Variants in CPT2 observed in about 807,000 individuals in gnomAD.
The protein encoded by CPT2 is carnitine O-palmitoyltransferase 2, mitochondrial.
Under a neutral mutation model 48.6 loss-of-function variants are expected in CPT2, and 37 were observed. The observed-to-expected ratio is 0.76, with a 90% confidence interval of 0.59 to 1.00. The LOEUF (loss-of-function observed/expected upper bound fraction) is 1.00, where lower values mean the gene tolerates loss of function less well. Ranked by LOEUF, CPT2 falls within the 50% of genes least tolerant of loss-of-function variation. The pLI, the probability that CPT2 is intolerant of heterozygous loss-of-function variation, is 0.00. For missense variants in CPT2, 772 were observed against 825.6 expected (o/e 0.94, Z 0.80); for synonymous variants, 319 against 326.9 (o/e 0.98, Z 0.26).
intron 3 of CPT2, among the ~76,000 whole-genome samples, chr1:53,206,487 A>G (rs576118152): frequency 1.3e-4 from 20 of 152,298 alleles, no homozygotes; most frequent in African/African-American, 4.3e-4. Context: ...AAAAGCAACC[A>G]TGGGGCTGTA....
intron 3 of CPT2, chr1:53,203,560 T>C (rs897978220): frequency 6.6e-6 from 1 of 152,226 alleles, no homozygotes. Context: ...TCTCAATACA[T>C]GAAAGCAGAT....
At position 53,211,063 on chromosome 1, in the gene CPT2, T is replaced by C. The variant is rs1160807210; in HGVS notation, c.1389T>C (p.Pro463=). 1.2e-6 allele frequency: 2 copies of C among 1,614,076 alleles called. No individual in the cohort carries two copies. The highest frequency in any genetic ancestry group is 3.3e-5 in the Admixed American group (2 of 60,006). The change falls in exon 4 of 5, where the codon CCT becomes CCC. Residue 463 remains proline, a synonymous_variant. Coordinates refer to ENST00000371486, the MANE Select transcript of CPT2 (RefSeq NM_000098.3). ...KEFLKKQKLS[P]DAVAQLAFQM... ...TCCTGAAGAAGCAAAAGCTGAGCCC[T>C]GACGCAGTTGCCCAGCTGGCATTCC...
intron 1 of CPT2, 103 bp from the exon 2 acceptor site, chr1:53,200,616 G>T: frequency 2.2e-6 from 2 of 903,658 alleles, no homozygotes; most frequent in Non-Finnish European, 1.8e-6. Context: ...TATTGGTTTT[G>T]GGGGAGGAAA....
chr1:53,203,157 C>T (rs1489486384), intron 3 of CPT2: 1 of 152,472 alleles, frequency 6.6e-6, no homozygotes, highest in African/African-American at 2.4e-5. Context: ...GTTATATACC[C>T]CCGTATCTCT....
intron 3 of CPT2, chr1:53,209,218 A>C (rs1200149213): frequency 6.6e-6 from 1 of 152,086 alleles, no homozygotes; most frequent in East Asian, 1.9e-4. Flanking sequence ...AAAATTAGCC[A>C]GGCTGGTGGT....
chr1:53,197,469 T>G, intron 1 of CPT2: 1 of 334,248 alleles, frequency 3.0e-6, no homozygotes, highest in Non-Finnish European at 5.7e-6. Context: ...TCTCCTGAAG[T>G]ACTTTAATGA....
intron 2 of CPT2, 56 bp downstream of exon 2, chr1:53,200,855 A>G (rs1645350657): frequency 7.3e-7 from 1 of 1,378,388 alleles, no homozygotes; most frequent in African/African-American, 1.4e-5. Context: ...ACAGGCTGGC[A>G]AGTAGTGGTG....
intron 4 of CPT2, chr1:53,212,857 C>T: frequency 4.5e-6 from 2 of 447,364 alleles, no homozygotes; most frequent in Non-Finnish European, 7.8e-6. Flanking sequence ...GTCAAACAGA[C>T]TTTCCATTTT....
At chr1:53,203,505 C>G (rs1645366761) in intron 3 of CPT2, 1 of 152,124 alleles carries the variant, frequency 6.6e-6, no homozygotes, top group Non-Finnish European at 1.5e-5. Flanking sequence ...TTTCTATGTG[C>G]TTACTAATTT....
Position 53,200,717 on chromosome 1 carries a change from A to G in CPT2, c.153-2A>G. On this transcript the variant is annotated splice_acceptor_variant, in intron 1 of 4. Transcript: ENST00000371486. LOFTEE classifies it high-confidence loss of function. ...CTTACACTGACCCTGCTTTCTCCCC[A>G]GGCTGCCTATTCCCAAACTTGAAGA... 1 of 1,612,496 alleles carries G rather than the reference A, an allele frequency of 6.2e-7. No individual in the cohort carries two copies. Among genetic ancestry groups the G allele is most frequent in the South Asian group, 1.1e-5 (1 of 91,062 alleles).
At position 53,210,305 on chromosome 1, in the gene CPT2, C is replaced by A. The variant is rs796051942; in HGVS notation, c.631C>A (p.Pro211Thr). 6.2e-7 allele frequency: 1 copy of A among 1,614,170 alleles called. No homozygotes were observed. The highest frequency in any genetic ancestry group is 8.5e-7 in the Non-Finnish European group (1 of 1,180,030). The change falls in exon 4 of 5, where the codon CCC (proline) becomes ACC (threonine). Residue 211 changes from proline (P) to threonine (T), a missense_variant. Coordinates refer to ENST00000371486, the MANE Select transcript of CPT2 (RefSeq NM_000098.3). The stretch of plus-strand genomic sequence containing the variant: ...TGGGGCCTACCTGGTCAATGCGTAT[C>A]CCCTGGATATGTCCCAGTATTTTCG... ...WYGAYLVNAY[P>T]LDMSQYFRLF... is the part of the protein sequence containing the mutation.
intron 1 of CPT2, among the ~76,000 whole-genome samples, chr1:53,197,895 C>A (rs1645333570): frequency 6.6e-6 from 1 of 152,048 alleles, no homozygotes; most frequent in Non-Finnish European, 1.5e-5. Flanking sequence ...GATCCAGGGT[C>A]CACCCAAATT....
intron 2 of CPT2, 119 bp downstream of exon 2, chr1:53,200,918 A>C: frequency 1.3e-6 from 1 of 787,694 alleles, no homozygotes; most frequent in Non-Finnish European, 2.3e-6. Context: ...GGAACCCAGA[A>C]CCTAGTTGTA....
chr1:53,211,412 C>T (rs775039793), intron 4 of CPT2, 93 bp downstream of exon 4: 14 of 1,314,466 alleles, frequency 1.1e-5, no homozygotes, highest in Non-Finnish European at 1.5e-5. Context: ...TGATTTCTAC[C>T]CGTTCACTAG....
chr1:53,211,139 T>A lies in CPT2; in HGVS notation c.1465T>A (p.Cys489Ser). 1 of 1,613,408 alleles carries A rather than the reference T, an allele frequency of 6.2e-7. No individual in the cohort carries two copies. The highest frequency in any genetic ancestry group is 1.1e-5 in the South Asian group (1 of 91,040). Residue 489 changes from cysteine (C) to serine (S), a missense_variant, in exon 4 of 5, where the codon TGT becomes AGT. By Grantham distance (112) the Cys-to-Ser change is moderately radical. Coordinates refer to ENST00000371486, the MANE Select transcript of CPT2 (RefSeq NM_000098.3). ...YGQTVATYES[C>S]STAAFKHGRT... ...GCAGACAGTGGCCACCTACGAGTCCTGTAGCACTGCCGCATTCAAGCACGG... is the reference window on the plus strand; with the variant it reads ...GCAGACAGTGGCCACCTACGAGTCCAGTAGCACTGCCGCATTCAAGCACGG...
chr1:53,196,928 G>A lies in CPT2; in HGVS notation c.-16G>A. 1.9e-6 allele frequency: 3 copies of A among 1,542,018 alleles called. No individual in the cohort carries two copies. The highest frequency in any genetic ancestry group is 2.6e-6 in the Non-Finnish European group (3 of 1,152,854). On this transcript the variant is annotated 5_prime_UTR_variant, in exon 1 of 5. Coordinates refer to ENST00000371486, the MANE Select transcript of CPT2 (RefSeq NM_000098.3). ...CCCCACTTGCCGCGTTCTCGCCGCC[G>A]CAGGCTCCCGGGACGATGGTGCCCC... is the stretch of plus-strand genomic sequence containing the variant.
At chr1:53,211,410 A>G (rs1645427401) in intron 4 of CPT2, 91 bp downstream of exon 4, 3 of 1,323,208 alleles carry the variant, frequency 2.3e-6, no homozygotes, top group African/African-American at 1.5e-5. Context: ...TCTGATTTCT[A>G]CCCGTTCACT....
chr1:53,206,587 A>C (rs1367303570), intron 3 of CPT2, among the ~76,000 whole-genome samples: 1 of 152,242 alleles, frequency 6.6e-6, no homozygotes, highest in Non-Finnish European at 1.5e-5. Flanking sequence ...ATGGAGTCAA[A>C]GATTATTTTG....
In CPT2 at chr1:53,196,921, C is replaced by T. The variant is rs1179227059; in HGVS notation, c.-23C>T. ...CAGAACTCCCCACTTGCCGCGTTCT[C>T]GCCGCCGCAGGCTCCCGGGACGATG... On this transcript the variant is annotated 5_prime_UTR_variant, in exon 1 of 5. Coordinates refer to ENST00000371486, the MANE Select transcript of CPT2 (RefSeq NM_000098.3). The T allele has an allele frequency of 6.5e-7, 1 of 1,539,646 alleles. No homozygotes were observed. Among genetic ancestry groups the T allele is most frequent in the Non-Finnish European group, 8.7e-7 (1 of 1,151,496 alleles).
Sources: gnomAD v4.1 joint callset for allele counts (sites outside exome capture counted in the v4.1 genomes callset) on GRCh38, gnomAD v4.1.1 for gene constraint, MANE v1.5 for transcripts, NCBI Gene and HGNC (gene_info 2026-07-23, HGNC 2026-07-21) for gene names.